The following COL28A1 variants were observed in gnomAD, a reference collection of about 807,000 sequenced individuals.
COL28A1 encodes the protein collagen alpha-1(XXVIII) chain.
COL28A1 carries 161 observed loss-of-function variants against 150.2 expected under a neutral mutation model. The observed-to-expected ratio is 1.07, with a 90% confidence interval of 0.94 to 1.22. COL28A1 has a LOEUF of 1.22. COL28A1 is among the 50% of genes most tolerant of loss of function. The pLI is 0.00. For synonymous variants in COL28A1, 552 were observed against 469.7 expected, an observed-to-expected ratio of 1.18 and a Z score of -2.26; for missense variants, 1,617 against 1,388.3, an observed-to-expected ratio of 1.16 and a Z score of -2.62.
intron 25 of COL28A1, among the ~76,000 whole-genome samples, chr7:7,421,005 A>C (rs937852209): frequency 6.6e-6 from 1 of 152,244 alleles, no homozygotes; most frequent in African/African-American, 2.4e-5. Flanking sequence ...CCCAAAGAAA[A>C]TAAAAATGTA....
In COL28A1 at chr7:7,474,666, C is replaced by T. The variant is rs1788722207; in HGVS notation, c.1237G>A (p.Glu413Lys). The change falls in exon 15 of 35, where the codon GAA (glutamate) becomes AAA (lysine). Residue 413 changes from glutamate to lysine, a missense_variant. Glu to Lys is a moderately conservative substitution (Grantham distance 56, BLOSUM62 1). Coordinates refer to ENST00000399429, the MANE Select transcript of COL28A1 (RefSeq NM_001037763.3). ...CCAGTTGGTCCTTCAGAACCTTTTT[C>T]ACCCTGAAAGTACAAGGGAGGGATA... ...PGEGFPGPKG[E>K]KGSEGPTGPQ... 7.3e-7 allele frequency: 1 copy of T among 1,363,452 alleles called. No individual in the cohort carries two copies. Among genetic ancestry groups the T allele is most frequent in the Non-Finnish European group, 1.1e-6 (1 of 951,220 alleles). The allele number at this position is 1,363,452 out of a possible 1,614,324, so 84.5% of individuals were successfully genotyped here. A position where few individuals can be genotyped will look rare whatever the true frequency, so the allele number is the denominator to read the frequency against.
chr7:7,417,937 G>C lies in COL28A1; in HGVS notation c.2068-10C>G. 1 of 1,600,798 alleles carries C rather than the reference G, an allele frequency of 6.2e-7. No individual in the cohort carries two copies. The highest frequency in any genetic ancestry group is 8.5e-7 in the Non-Finnish European group (1 of 1,174,762). On this transcript the variant is annotated splice_polypyrimidine_tract_variant and intron_variant, in intron 26 of 34. Transcript: ENST00000399429. ...TCTGCCCAGTATCACCCTGTTAGAA[G>C]ATGGGGAGAATTTGAAGACAAAATG...
At chr7:7,476,977 T>A (rs1788940004) in intron 14 of COL28A1, 135 bp downstream of exon 14, 2 of 605,930 alleles carry the variant, frequency 3.3e-6, no homozygotes, top group Non-Finnish European at 5.9e-6. Context: ...ATTTACATAT[T>A]CCTTCATTAA....
intron 21 of COL28A1, among the ~76,000 whole-genome samples, chr7:7,439,689 T>C (rs1785612065): frequency 6.6e-6 from 1 of 152,192 alleles, no homozygotes; most frequent in Non-Finnish European, 1.5e-5. Context: ...CTGTTATTAA[T>C]ACTAATACAA....
chr7:7,436,432 A>C lies in COL28A1; in HGVS notation c.1823T>G (p.Phe608Cys). 7.0e-7 allele frequency: 1 copy of C among 1,435,856 alleles called. No homozygotes were observed. Among genetic ancestry groups the C allele is most frequent in the Non-Finnish European group, 9.8e-7 (1 of 1,017,228 alleles). 88.9% of individuals were successfully genotyped at this position (1,435,856 alleles called of 1,614,324 possible). Residue 608 changes from phenylalanine to cysteine, a missense_variant, in exon 23 of 35, where the codon TTT (phenylalanine) becomes TGT (cysteine). By Grantham distance (205) the Phe-to-Cys change is radical (BLOSUM62 -2). Transcript: ENST00000399429. ...AATAGAAAGTCCAGGTTCTCCCTTA[A>C]ATCCAGGTATCCCAGGTCCTCCTCT... is the stretch of plus-strand genomic sequence containing the variant. ...GDRGGPGIPG[F>C]KGEPGLSIRG...
intron 13 of COL28A1, among the ~76,000 whole-genome samples, chr7:7,486,137 T>C (rs76826748): frequency 0.039 from 6,011 of 152,278 alleles, 447 homozygotes; most frequent in African/African-American, 0.14. Flanking sequence ...ATCAGTGTTT[T>C]GTAGTTTTAT....
Position 7,373,344 on chromosome 7 carries a change from C to G in COL28A1, c.2562G>C (p.Gln854His), listed in dbSNP as rs762467767. 2 of 1,614,162 alleles carry G rather than the reference C, an allele frequency of 1.2e-6. No homozygotes were observed. Among genetic ancestry groups the G allele is most frequent in the South Asian group, 1.1e-5 (1 of 91,076 alleles). Residue 854 changes from glutamine (Q) to histidine (H), a missense_variant, in exon 32 of 35, where the codon CAG (glutamine) becomes CAC (histidine). Physicochemically the swap from Gln to His is conservative, Grantham distance 24. Coordinates refer to ENST00000399429, the MANE Select transcript of COL28A1 (RefSeq NM_001037763.3). This position sits in a 1 kb window ranked among gnomAD's most constrained non-coding sequence, Gnocchi z 4.1. ...HKVEKVANLKQFSSKDDFKLA... is the reference protein window; with the variant it reads ...HKVEKVANLKHFSSKDDFKLA... The stretch of plus-strand genomic sequence containing the variant: ...ACTTGAAGTCATCCTTGCTGGAGAA[C>G]TGCTTCAAATTAGCCACCTTCTCCA...
rs113642146 is a variant in COL28A1 at position 7,516,520 on chromosome 7, T to C, written c.856-680A>G. 1.3e-5 allele frequency among the ~76,000 whole-genome samples: 2 copies of C among 152,236 alleles called. 1 individual carries two copies. Among genetic ancestry groups the C allele is most frequent in the African/African-American group, 4.8e-5 (2 of 41,548 alleles). On this transcript the variant is annotated intron_variant, in intron 7 of 34. Transcript: ENST00000399429. Reference sequence around the variant, plus strand: ...TCACTGCCCATGGCCCTTTAAGAAATACAATAGTGAATATTACATGGCCTG... The same window carrying C: ...TCACTGCCCATGGCCCTTTAAGAAACACAATAGTGAATATTACATGGCCTG...
intron 12 of COL28A1, among the ~76,000 whole-genome samples, 198 bp from the exon 13 acceptor site, chr7:7,489,655 C>A (rs758894003): frequency 4.6e-5 from 7 of 152,202 alleles, no homozygotes; most frequent in Non-Finnish European, 8.8e-5. Context: ...TTTATTATCT[C>A]TTCTTGTCCA....
chr7:7,487,123 T>C (rs1367373085), intron 13 of COL28A1, among the ~76,000 whole-genome samples: 1 of 151,974 alleles, frequency 6.6e-6, no homozygotes, highest in East Asian at 1.9e-4. Flanking sequence ...ATTCTCTATA[T>C]TTTCCAATAT....
At chr7:7,426,533 T>G (rs1354909209) in intron 25 of COL28A1, among the ~76,000 whole-genome samples, 1 of 152,230 alleles carries the variant, frequency 6.6e-6, no homozygotes, top group East Asian at 1.9e-4. Context: ...AGGAAGATAG[T>G]ACCAACTGTC....
chr7:7,524,876 C>T (rs993294774), intron 3 of COL28A1, among the ~76,000 whole-genome samples: 1 of 151,936 alleles, frequency 6.6e-6, no homozygotes, highest in African/African-American at 2.4e-5. Flanking sequence ...ATTTGAAAAG[C>T]CTCCAATATG....
At chr7:7,543,736 C>T in the COL28A1 span, among the ~76,000 whole-genome samples, 35 of 151,790 alleles carry the variant, frequency 2.3e-4, no homozygotes, top group South Asian at 7.1e-3. Flanking sequence ...GTATTTATTA[C>T]TATTGTTTTT....
At chr7:7,442,189 T>G (rs1260814989) in intron 20 of COL28A1, among the ~76,000 whole-genome samples, 2 of 152,190 alleles carry the variant, frequency 1.3e-5, no homozygotes, top group Admixed American at 1.3e-4. Flanking sequence ...ATGCACATTC[T>G]TCTTGCCTTA....
intron 30 of COL28A1, among the ~76,000 whole-genome samples, chr7:7,378,187 C>T (rs1185675002): frequency 1.3e-5 from 2 of 152,194 alleles, no homozygotes; most frequent in Admixed American, 6.5e-5. Flanking sequence ...GCTGTTAAAA[C>T]AGGGACTAAA....
At chr7:7,370,632 G>T (rs1781177589) in intron 33 of COL28A1, 93 bp downstream of exon 33, 1 of 1,030,000 alleles carries the variant, frequency 9.7e-7, no homozygotes, top group South Asian at 2.1e-5. Context: ...TGCCTCAGCT[G>T]ATTCTTGACA....
At chr7:7,539,991 T>C (rs1782756982), upstream of COL28A1, among the ~76,000 whole-genome samples, 1 of 152,216 alleles carries the variant, frequency 6.6e-6, no homozygotes, top group Non-Finnish European at 1.5e-5. Context: ...TCTCTTTCTC[T>C]AAAATATTTT....
the COL28A1 span, among the ~76,000 whole-genome samples, chr7:7,541,940 C>CAA: frequency 2.3e-4 from 34 of 147,444 alleles, no homozygotes; most frequent in African/African-American, 8.3e-4. Flanking sequence ...AAGTTTTACC[C>CAA]AAAAAAAAAA....
At chr7:7,388,097 T>C (rs1421877740) in intron 27 of COL28A1, among the ~76,000 whole-genome samples, 1 of 152,046 alleles carries the variant, frequency 6.6e-6, no homozygotes, top group Non-Finnish European at 1.5e-5. Context: ...TGTGTCACGG[T>C]GGTTAGCTGA....
Sources: gnomAD v4.1 joint callset for allele counts (sites outside exome capture counted in the v4.1 genomes callset) on GRCh38, gnomAD v4.1.1 for gene constraint, Gnocchi (gnomAD v3.1) non-coding constraint, MANE v1.5 for transcripts, NCBI Gene and HGNC (gene_info 2026-07-23, HGNC 2026-07-21) for gene names.